The following PRKG1 variants were observed in gnomAD, a reference collection of about 807,000 sequenced individuals.
The protein encoded by PRKG1 is protein kinase cGMP-dependent 1, also known as cGMP-dependent protein kinase 1.
Under a neutral mutation model 88.1 loss-of-function variants are expected in PRKG1, and 35 were observed. The observed-to-expected ratio is 0.40, with a 90% CI of 0.30 to 0.53. The LOEUF (loss-of-function observed/expected upper bound fraction) is 0.53, where lower values mean the gene tolerates loss of function less well. Ranked by LOEUF, PRKG1 falls within the 20% of genes least tolerant of loss-of-function variation. PRKG1 has a pLI of 0.59. For missense variants in PRKG1, 540 were observed against 839.8 expected, an observed-to-expected ratio of 0.64 and a Z score of 4.41; for synonymous variants, 303 against 292.5, an observed-to-expected ratio of 1.04 and a Z score of -0.37.
chr10:52,071,892 T>C (rs1253772116), intron 7 of PRKG1, among the ~76,000 whole-genome samples: 1 of 152,194 alleles, frequency 6.6e-6, no homozygotes, highest in Non-Finnish European at 1.5e-5. Flanking sequence ...GTTACAAGGC[T>C]TGGGTTTCTG....
intron 7 of PRKG1, among the ~76,000 whole-genome samples, chr10:52,129,649 T>C (rs12260890): frequency 0.1 from 15,165 of 152,212 alleles, 895 homozygotes; most frequent in East Asian, 0.27. Context: ...AGCTTGGCGA[T>C]GAATAATTCT....
rs564316924 is a variant in PRKG1 at position 51,286,520 on chromosome 10, C to T, written c.478+133190C>T. On this transcript the variant is annotated intron_variant, in intron 2 of 17. Transcript: ENST00000373980. Reference sequence around the variant, plus strand: ...TAACTTGAATTTCCTCTCTTTATTGCTTTTCCTCTCTTAGCTGTATGTTCA... The same window carrying T: ...TAACTTGAATTTCCTCTCTTTATTGTTTTTCCTCTCTTAGCTGTATGTTCA... Among the ~76,000 whole-genome samples the T allele has an allele frequency of 3.3e-5, 5 of 152,116 alleles. 1 individual carries two copies. The South Asian group carries it at 1.0e-3, about 32-fold the overall frequency.
intron 3 of PRKG1, among the ~76,000 whole-genome samples, chr10:51,623,453 C>T (rs1407097522): frequency 6.6e-6 from 1 of 152,196 alleles, no homozygotes; most frequent in Non-Finnish European, 1.5e-5. Flanking sequence ...CTGCCTGCTT[C>T]AGCCTGCCAA....
In PRKG1 at chr10:51,465,201, T is replaced by C. The variant is rs1309612452; in HGVS notation, c.479-2522T>C. 7.2e-5 allele frequency among the ~76,000 whole-genome samples: 11 copies of C among 152,104 alleles called. No individual in the cohort carries two copies. In the East Asian group the frequency reaches 1.9e-3, roughly 27 times the overall value. On this transcript the variant is annotated intron_variant, in intron 2 of 17. Transcript: ENST00000373980. ...AATTAGTTCTGATGTAATGGGTCCATAGATTTCCTTTAAGAAACCACTGAG... is the reference window on the plus strand; with the variant it reads ...AATTAGTTCTGATGTAATGGGTCCACAGATTTCCTTTAAGAAACCACTGAG...
intron 5 of PRKG1, among the ~76,000 whole-genome samples, chr10:52,014,114 G>T (rs1844971589): frequency 1.3e-5 from 2 of 152,116 alleles, no homozygotes; most frequent in Admixed American, 6.5e-5. Flanking sequence ...AAGTATGAGG[G>T]GACTAGTTTC....
rs567942508 is a variant in PRKG1 at position 52,134,393 on chromosome 10, A to T, written c.1001+488A>T. On this transcript the variant is annotated intron_variant, in intron 8 of 17. Transcript: ENST00000373980. ...CATTTAGGGAAGAAACTTTTGAAGA[A>T]ATAATCAGTTCTAGACATAGGCATA... 4.6e-5 allele frequency among the ~76,000 whole-genome samples: 7 copies of T among 152,288 alleles called. No homozygotes were observed. In the South Asian group the frequency reaches 6.2e-4, roughly 14 times the overall value.
chr10:51,100,883 C>G (rs1446910865), intron 1 of PRKG1, among the ~76,000 whole-genome samples: 1 of 152,128 alleles, frequency 6.6e-6, no homozygotes, highest in African/African-American at 2.4e-5. Context: ...ATTGCTTAAA[C>G]AGATTCCTGG....
chr10:51,203,013 A>G (rs1225683054), intron 2 of PRKG1, among the ~76,000 whole-genome samples: 1 of 152,166 alleles, frequency 6.6e-6, no homozygotes, highest in Non-Finnish European at 1.5e-5. Flanking sequence ...AGAAACAATG[A>G]TGTCAACGGG....
chr10:51,502,505 T>A (rs1189141403), intron 3 of PRKG1, among the ~76,000 whole-genome samples: 1 of 152,134 alleles, frequency 6.6e-6, no homozygotes, highest in African/African-American at 2.4e-5. Context: ...TACATTCTTT[T>A]GTACCAGTTC....
intron 5 of PRKG1, among the ~76,000 whole-genome samples, chr10:51,926,576 C>T (rs189247687): frequency 3.3e-5 from 5 of 152,086 alleles, no homozygotes; most frequent in East Asian, 1.9e-4. Context: ...CTTCCCCACC[C>T]CTGATAACTG....
chr10:51,890,378 T>C (rs549747765), intron 4 of PRKG1, among the ~76,000 whole-genome samples: 2 of 152,318 alleles, frequency 1.3e-5, no homozygotes, highest in South Asian at 4.1e-4. Context: ...CCATCAAAAC[T>C]TACAGGTATC....
chr10:51,145,728 AT>A lies in PRKG1; in HGVS notation c.312-7434del, dbSNP rs529581192. ...AGAACAACAATTTTCTTTTTCCTCA[AT>A]TAATATAAGCCTGCCCCATCTGTTA... On this transcript the variant is annotated intron_variant, in intron 1 of 17. Transcript: ENST00000373980. Among the ~76,000 whole-genome samples the A allele has an allele frequency of 1.2e-4, 19 of 152,278 alleles. No homozygotes were observed. The South Asian group carries it at 3.9e-3, about 32-fold the overall frequency.
At chr10:52,281,551 C>A (rs1842003448) in intron 13 of PRKG1, among the ~76,000 whole-genome samples, 1 of 151,898 alleles carries the variant, frequency 6.6e-6, no homozygotes, top group African/African-American at 2.4e-5. Context: ...TAGTTTCAAC[C>A]AAATCGTTTT....
intron 1 of PRKG1, among the ~76,000 whole-genome samples, chr10:51,105,251 C>A (rs1844803629): frequency 6.6e-6 from 1 of 152,182 alleles, no homozygotes; most frequent in Admixed American, 6.5e-5. Context: ...AATTGAAAAA[C>A]ATTCTGGAGC....
chr10:51,535,678 A>G (rs893209007), intron 3 of PRKG1, among the ~76,000 whole-genome samples: 23 of 152,148 alleles, frequency 1.5e-4, no homozygotes, highest in Non-Finnish European at 2.8e-4. Flanking sequence ...AAACACAAAA[A>G]TATATAATTT....
intron 5 of PRKG1, among the ~76,000 whole-genome samples, chr10:52,042,678 T>C (rs1443295383): frequency 6.6e-6 from 1 of 152,086 alleles, no homozygotes; most frequent in Admixed American, 6.5e-5. Flanking sequence ...AATTTTTTAG[T>C]AAAACCTCAA....
intron 2 of PRKG1, among the ~76,000 whole-genome samples, chr10:51,374,152 G>T (rs1227884282): frequency 6.8e-6 from 1 of 146,340 alleles, no homozygotes; most frequent in East Asian, 2.0e-4. Context: ...AAACATGCAG[G>T]TTTGTTACAT....
intron 7 of PRKG1, among the ~76,000 whole-genome samples, chr10:52,096,378 A>G (rs984951020): frequency 1.3e-5 from 2 of 152,038 alleles, no homozygotes; most frequent in Non-Finnish European, 2.9e-5. Context: ...TAGGGAACAT[A>G]CCCTCCCATT....
intron 3 of PRKG1, among the ~76,000 whole-genome samples, chr10:51,702,876 G>A (rs575963378): frequency 1.3e-5 from 2 of 152,076 alleles, no homozygotes; most frequent in East Asian, 1.9e-4. Context: ...TGTGCGTTTT[G>A]TAGAGACGGG....
Sources: allele counts gnomAD v4.1 joint callset (sites outside exome capture counted in the v4.1 genomes callset), GRCh38; gene constraint gnomAD v4.1.1; transcripts MANE v1.5; gene names NCBI Gene and HGNC (gene_info 2026-07-23, HGNC 2026-07-21).